TUBGCP3: variants seen among roughly 807,000 people sequenced by gnomAD.
The protein encoded by TUBGCP3 is gamma-tubulin complex component 3.
In TUBGCP3, 50 loss-of-function variants were observed where a neutral mutation model predicts 123.1. The ratio of observed to expected loss-of-function variants is 0.41; its 90% CI spans 0.32 to 0.51. The LOEUF (loss-of-function observed/expected upper bound fraction) is 0.51. Among genes scored for constraint, TUBGCP3 ranks in the 20% least tolerant of loss-of-function variants. The pLI is 0.36. For synonymous variants in TUBGCP3, 405 were observed against 413.9 expected, an observed-to-expected ratio of 0.98 and a Z score of 0.26; for missense variants, 882 against 1,127.0, an observed-to-expected ratio of 0.78 and a Z score of 3.11.
chr13:112,491,806 T>C (rs936488174), intron 20 of TUBGCP3, among the ~76,000 whole-genome samples: 5 of 152,182 alleles, frequency 3.3e-5, no homozygotes, highest in Non-Finnish European at 4.4e-5. Flanking sequence ...AATTTGTAGG[T>C]CTGCCCGGAT....
At chr13:112,585,610 A>G (rs976953438) in intron 1 of TUBGCP3, among the ~76,000 whole-genome samples, 6 of 152,188 alleles carry the variant, frequency 3.9e-5, no homozygotes, top group Admixed American at 2.6e-4. Flanking sequence ...CATCTCTACT[A>G]AAAACACAAA....
intron 11 of TUBGCP3, among the ~76,000 whole-genome samples, chr13:112,544,206 C>T (rs1354553763): frequency 6.6e-6 from 1 of 151,994 alleles, no homozygotes; most frequent in Non-Finnish European, 1.5e-5. Flanking sequence ...GTAATCCCAG[C>T]ACTTTGGGAG....
upstream of TUBGCP3, among the ~76,000 whole-genome samples, chr13:112,590,748 C>T (rs750897870): frequency 1.3e-5 from 2 of 152,180 alleles, no homozygotes; most frequent in South Asian, 4.1e-4. Context: ...TCCATTGTGC[C>T]TATCACCCCA....
intron 1 of TUBGCP3, among the ~76,000 whole-genome samples, chr13:112,577,635 T>TATTA (rs572849506): frequency 6.6e-6 from 1 of 152,230 alleles, no homozygotes; most frequent in Admixed American, 6.5e-5. Flanking sequence ...AGTGTATCAT[T>TATTA]ATTAATTAAT....
chr13:112,517,162 G>A (rs1042631805), intron 16 of TUBGCP3, among the ~76,000 whole-genome samples: 1 of 152,132 alleles, frequency 6.6e-6, no homozygotes, highest in African/African-American at 2.4e-5. Flanking sequence ...AATTACAGGT[G>A]TGTGCCACCA....
At chr13:112,577,034 A>G (rs1351334833) in intron 1 of TUBGCP3, among the ~76,000 whole-genome samples, 4 of 152,228 alleles carry the variant, frequency 2.6e-5, no homozygotes, top group Admixed American at 2.6e-4. Context: ...CCTTTGCCAG[A>G]CTGACCAAGA....
At chr13:112,496,368 G>A (rs7984007) in intron 20 of TUBGCP3, among the ~76,000 whole-genome samples, 24,252 of 152,214 alleles carry the variant, frequency 0.16, 2,045 homozygotes, top group Middle Eastern at 0.21. Flanking sequence ...TGCAGCAGGC[G>A]GGCGCCGCTT....
chr13:112,562,280 C>T (rs906812892), intron 3 of TUBGCP3, among the ~76,000 whole-genome samples: 1 of 152,022 alleles, frequency 6.6e-6, no homozygotes, highest in African/African-American at 2.4e-5. Flanking sequence ...GGGAACACCA[C>T]CAGCCAGGAC....
chr13:112,569,497 T>C (rs1881234846), intron 1 of TUBGCP3, among the ~76,000 whole-genome samples: 2 of 151,754 alleles, frequency 1.3e-5, no homozygotes, highest in Admixed American at 1.3e-4. Context: ...AAATCCTAGA[T>C]GACAAAAAAC....
intron 11 of TUBGCP3, among the ~76,000 whole-genome samples, chr13:112,527,737 A>AGTG (rs1877250503): frequency 1.3e-5 from 2 of 152,234 alleles, no homozygotes; most frequent in African/African-American, 4.8e-5. Flanking sequence ...AATGTCCATT[A>AGTG]GTGCCTCTGC....
chr13:112,514,911 G>T (rs1183361840), intron 17 of TUBGCP3, among the ~76,000 whole-genome samples: 3 of 152,168 alleles, frequency 2.0e-5, no homozygotes, highest in African/African-American at 7.2e-5. Flanking sequence ...AAAGAGAAAT[G>T]ATGAAATCAT....
At chr13:112,577,954 C>T (rs1881958329) in intron 1 of TUBGCP3, among the ~76,000 whole-genome samples, 1 of 152,194 alleles carries the variant, frequency 6.6e-6, no homozygotes, top group South Asian at 2.1e-4. Flanking sequence ...ACCTATATCA[C>T]ATGCCACATA....
chr13:112,605,334 T>TAATAAC, the TUBGCP3 span: 6 of 151,506 alleles, frequency 4.0e-5, no homozygotes, highest in Non-Finnish European at 8.8e-5. Context: ...ATAATAATAA[T>TAATAAC]AATAACAACA....
At chr13:112,534,345 G>C (rs373434523) in intron 11 of TUBGCP3, among the ~76,000 whole-genome samples, 2 of 152,160 alleles carry the variant, frequency 1.3e-5, no homozygotes, top group Non-Finnish European at 2.9e-5. Context: ...AGGAGATCGA[G>C]ACCATCCTGG....
At position 112,545,455 on chromosome 13, in the gene TUBGCP3, T is replaced by G; in HGVS notation, c.1335+244A>C. 2.3e-6 allele frequency: 1 copy of G among 437,064 alleles called. No homozygotes were observed. The highest frequency in any genetic ancestry group is 4.1e-6 in the Non-Finnish European group (1 of 242,778). The allele number at this position is 437,064 out of a possible 1,614,324, so 27.1% of individuals were successfully genotyped here. A position where few individuals can be genotyped will look rare whatever the true frequency, so the allele number is the denominator to read the frequency against. On this transcript the variant is annotated intron_variant, in intron 11 of 21. Coordinates refer to ENST00000261965, the MANE Select transcript of TUBGCP3 (RefSeq NM_006322.6). This position sits in a 1 kb window ranked among gnomAD's most constrained non-coding sequence, Gnocchi z 4.1. ...CGTGCTAGTAAACTCGGACGAGTGA[T>G]TCCACCTTGCTGAGGAATAAACTGG...
intron 21 of TUBGCP3, among the ~76,000 whole-genome samples, chr13:112,487,071 GTGTGTGTGTGTC>G (rs1431292468): frequency 8.8e-5 from 13 of 147,430 alleles, no homozygotes; most frequent in East Asian, 2.0e-4. Context: ...GTGTGTGTGT[GTGTGTGTGTGTC>G]TGTGTGTGTG....
intron 8 of TUBGCP3, among the ~76,000 whole-genome samples, chr13:112,549,541 AG>A (rs1879378640): frequency 6.6e-6 from 1 of 152,146 alleles, no homozygotes; most frequent in Non-Finnish European, 1.5e-5. Context: ...GTAAATATTC[AG>A]GGTTAAAATG....
intron 11 of TUBGCP3, among the ~76,000 whole-genome samples, chr13:112,532,629 G>C (rs1877676192): frequency 6.6e-6 from 1 of 152,150 alleles, no homozygotes; most frequent in Non-Finnish European, 1.5e-5. Context: ...CTACAGAAAG[G>C]ACTCACCATG....
At chr13:112,509,036 C>T (rs561444049) in intron 17 of TUBGCP3, among the ~76,000 whole-genome samples, 4 of 152,342 alleles carry the variant, frequency 2.6e-5, no homozygotes, top group African/African-American at 9.6e-5. Flanking sequence ...ACCTTCAGGA[C>T]GTGCTCGTGG....
Sources: allele counts gnomAD v4.1 joint callset (sites outside exome capture counted in the v4.1 genomes callset), GRCh38; gene constraint gnomAD v4.1.1; non-coding constraint Gnocchi (gnomAD v3.1); transcripts MANE v1.5; gene names NCBI Gene and HGNC (gene_info 2026-07-23, HGNC 2026-07-21).